Variants in SUPT6H observed in about 807,000 individuals in gnomAD.
SUPT6H encodes transcription elongation factor SPT6.
A neutral mutation model predicts 222.3 loss-of-function variants in SUPT6H; 11 were observed. The ratio of observed to expected loss-of-function variants is 0.05; its 90% CI spans 0.03 to 0.08. The LOEUF is 0.08. Among genes scored for constraint, SUPT6H ranks in the 10% least tolerant of loss-of-function variants. SUPT6H has a pLI of 1.00. For synonymous variants in SUPT6H, 762 were observed against 801.2 expected (o/e 0.95, Z 0.83); for missense variants, 1,422 against 2,216.0 (o/e 0.64, Z 7.19).
intron 32 of SUPT6H, among the ~76,000 whole-genome samples, chr17:28,699,515 C>T (rs1283012817): frequency 1.3e-5 from 2 of 152,202 alleles, no homozygotes; most frequent in Non-Finnish European, 2.9e-5. Flanking sequence ...TGCCTTCATA[C>T]TGCAGCCCAG....
intron 1 of SUPT6H, among the ~76,000 whole-genome samples, chr17:28,669,392 T>C (rs1404746217): frequency 6.6e-6 from 1 of 152,180 alleles, no homozygotes; most frequent in African/African-American, 2.4e-5. Context: ...AGTTTCACCA[T>C]GTTGGCCAGG....
intron 29 of SUPT6H, among the ~76,000 whole-genome samples, chr17:28,696,376 C>T (rs1467210097): frequency 3.3e-5 from 5 of 150,464 alleles, no homozygotes; most frequent in African/African-American, 4.9e-5. Context: ...GCAGGCGGGT[C>T]GCTTGAGGTG....
rs1325061594 is a variant in SUPT6H at position 28,688,470 on chromosome 17, A to G, written c.3134+252A>G. The G allele has an allele frequency of 3.3e-6, 1 of 303,592 alleles. No individual in the cohort carries two copies. The highest frequency in any genetic ancestry group is 5.9e-6 in the Non-Finnish European group (1 of 170,182). The allele number at this position is 303,592 out of a possible 1,614,324, so 18.8% of individuals were successfully genotyped here. ...AGCTTATAAATTAAGCATGGAAAAC[A>G]CAAGATTTTGTTCAGTAAACACAAA... On this transcript the variant is annotated intron_variant, in intron 24 of 36. Transcript: ENST00000314616. The surrounding 1 kb of genome is among the most constrained non-coding windows in gnomAD (Gnocchi z 4.3).
At chr17:28,689,279 C>G (rs760082676) in intron 24 of SUPT6H, 75 bp from the exon 25 acceptor site, 2 of 1,404,958 alleles carry the variant, frequency 1.4e-6, no homozygotes, top group Admixed American at 3.5e-5. Flanking sequence ...TAACCAGTTC[C>G]CCATTGGTGG....
In SUPT6H at chr17:28,673,388, G is replaced by T; in HGVS notation, c.-14G>T. On this transcript the variant is annotated 5_prime_UTR_variant, in exon 2 of 37. Transcript: ENST00000314616. ...TTCCCTAGTTATCTTCAGGCAGAGT[G>T]AGAAGCTGCAGCAATGTCTGATTTT... is the stretch of plus-strand genomic sequence containing the variant. 1 of 1,601,506 alleles carries T rather than the reference G, an allele frequency of 6.2e-7. No homozygotes were observed. Among genetic ancestry groups the T allele is most frequent in the South Asian group, 1.1e-5 (1 of 90,738 alleles).
rs753470365 is a variant in SUPT6H, at chr17:28,684,567, G to T, written c.2230-19G>T. The T allele has an allele frequency of 6.2e-7, 1 of 1,614,036 alleles. No homozygotes were observed. Among genetic ancestry groups the T allele is most frequent in the South Asian group, 1.1e-5 (1 of 91,080 alleles). ...TAATGTCATCATGTATGTAATACCT[G>T]TTGTGTCTCTTCCCTCAGGCCTGTA... On this transcript the variant is annotated intron_variant, in intron 17 of 36. Transcript: ENST00000314616.
intron 7 of SUPT6H, among the ~76,000 whole-genome samples, chr17:28,677,119 T>C (rs1270629630): frequency 1.3e-5 from 2 of 151,142 alleles, no homozygotes; most frequent in Non-Finnish European, 2.9e-5. Flanking sequence ...ACGCCTGTAA[T>C]CCTAGCACTT....
intron 6 of SUPT6H, 47 bp from the exon 7 acceptor site, chr17:28,676,110 T>G: frequency 6.5e-7 from 1 of 1,532,782 alleles, no homozygotes; most frequent in Non-Finnish European, 8.7e-7. Context: ...TGCATTTCTC[T>G]CCTCTCACCT....
Position 28,701,685 on chromosome 17 carries a change from G to A in SUPT6H, c.*60G>A. Reference sequence around the variant, plus strand: ...GCTGGGAAAGGCCTGGCTGCCCACTGCCTCCCTCCCTGCCCCTCCTTTTAT... The same window carrying A: ...GCTGGGAAAGGCCTGGCTGCCCACTACCTCCCTCCCTGCCCCTCCTTTTAT... On this transcript the variant is annotated 3_prime_UTR_variant, in exon 37 of 37. Transcript: ENST00000314616. The A allele has an allele frequency of 1.3e-6, 2 of 1,513,574 alleles. No homozygotes were observed. Among genetic ancestry groups the A allele is most frequent in the East Asian group, 2.3e-5 (1 of 43,982 alleles). 93.8% of individuals were successfully genotyped at this position (1,513,574 alleles called of 1,614,324 possible).
At position 28,684,875 on chromosome 17, in the gene SUPT6H, G is replaced by A. The variant is rs767301141; in HGVS notation, c.2401G>A (p.Gly801Ser). The A allele has an allele frequency of 1.2e-6, 2 of 1,614,178 alleles. No homozygotes were observed. Among genetic ancestry groups the A allele is most frequent in the Non-Finnish European group, 1.7e-6 (2 of 1,180,044 alleles). Residue 801 changes from glycine to serine, a missense_variant, in exon 19 of 37, where the codon GGT (glycine) becomes AGT (serine). Gly to Ser is a moderately conservative substitution (Grantham distance 56, BLOSUM62 0). Transcript: ENST00000314616. ...DHPVFCALVNGEGEVTDFLRL... is the reference protein window; with the variant it reads ...DHPVFCALVNSEGEVTDFLRL... ...CCCTGTGTTCTGCGCCCTGGTCAAT[G>A]GTGAAGGAGAAGTGACAGACTTCCT...
At chr17:28,678,251 A>T in intron 9 of SUPT6H, 59 bp downstream of exon 9, 1 of 1,454,796 alleles carries the variant, frequency 6.9e-7, no homozygotes, top group Non-Finnish European at 9.6e-7. Flanking sequence ...GATGAGGGAA[A>T]AGATAATTAC....
chr17:28,697,338 C>T (rs1041912880), intron 30 of SUPT6H, among the ~76,000 whole-genome samples: 5 of 152,268 alleles, frequency 3.3e-5, no homozygotes, highest in Non-Finnish European at 4.4e-5. Context: ...CACATATATA[C>T]GCACACACAT....
At chr17:28,682,877 T>G in intron 14 of SUPT6H, 21 bp downstream of exon 14, 1 of 1,614,066 alleles carries the variant, frequency 6.2e-7, no homozygotes, top group East Asian at 2.2e-5. Flanking sequence ...AGCAGGTGGC[T>G]GACAGGAGGA....
chr17:28,702,446 T>A lies in SUPT6H; in HGVS notation c.*821T>A, dbSNP rs2032170755. On this transcript the variant is annotated 3_prime_UTR_variant, in exon 37 of 37. Coordinates refer to ENST00000314616, the MANE Select transcript of SUPT6H (RefSeq NM_003170.5). Reference sequence around the variant, plus strand: ...ACCCTGTGCCAGTTCCTGCTGCCTTTCAGCTGGCTTTCTTACCTGTAACAT... The same window carrying A: ...ACCCTGTGCCAGTTCCTGCTGCCTTACAGCTGGCTTTCTTACCTGTAACAT... 1 of 152,492 alleles carries A rather than the reference T, an allele frequency of 6.6e-6. No homozygotes were observed. Among genetic ancestry groups the A allele is most frequent in the South Asian group, 2.1e-4 (1 of 4,830 alleles). 9.4% of individuals were successfully genotyped at this position (152,492 alleles called of 1,614,324 possible).
chr17:28,686,242 C>T (rs2031373123), intron 19 of SUPT6H, 97 bp from the exon 20 acceptor site: 2 of 1,115,882 alleles, frequency 1.8e-6, no homozygotes, highest in African/African-American at 3.1e-5. Flanking sequence ...CTTCTGAAGA[C>T]TTCCAGTTCT....
rs780414790 is a variant in SUPT6H, at chr17:28,696,838, T to C, written c.3971-6T>C. The C allele has an allele frequency of 1.2e-6, 2 of 1,613,706 alleles. No individual in the cohort carries two copies. Among genetic ancestry groups the C allele is most frequent in the African/African-American group, 2.7e-5 (2 of 74,838 alleles). Reference sequence around the variant, plus strand: ...CCAGTCTGTACTGCTTTTCTGCCCTTTTCAGCATACATCAAGAGAGTGATC... The same window carrying C: ...CCAGTCTGTACTGCTTTTCTGCCCTCTTCAGCATACATCAAGAGAGTGATC... On this transcript the variant is annotated splice_polypyrimidine_tract_variant and splice_region_variant and intron_variant, in intron 29 of 36. Coordinates refer to ENST00000314616, the MANE Select transcript of SUPT6H (RefSeq NM_003170.5).
At chr17:28,663,245 T>C (rs974313737) in intron 1 of SUPT6H, among the ~76,000 whole-genome samples, 2 of 152,238 alleles carry the variant, frequency 1.3e-5, no homozygotes, top group Non-Finnish European at 2.9e-5. Context: ...CTTCAGTGTT[T>C]TGATTACAGA....
At chr17:28,664,612 G>T (rs192846110) in intron 1 of SUPT6H, among the ~76,000 whole-genome samples, 1 of 152,314 alleles carries the variant, frequency 6.6e-6, no homozygotes, top group Non-Finnish European at 1.5e-5. Context: ...CCACCTGAAA[G>T]TTGGCAACTC....
In SUPT6H at chr17:28,693,744, G is replaced by A. The variant is rs1264271504; in HGVS notation, c.3682G>A (p.Val1228Ile). Residue 1228 changes from valine (V) to isoleucine (I), a missense_variant, in exon 28 of 37, where the codon GTC (valine) becomes ATC (isoleucine). By Grantham distance (29) the Val-to-Ile change is conservative (BLOSUM62 3). This residue lies in a region of SUPT6H where 39 missense variants were observed against 124.2 expected (regional missense o/e 0.31). Coordinates refer to ENST00000314616, the MANE Select transcript of SUPT6H (RefSeq NM_003170.5). ...SGSCPGQAIG[V>I]KTRLDNGVTG... ...TTCGTGCCCAGGCCAGGCCATCGGT[G>A]TCAAAACACGGCTAGACAATGGTGT... 6.2e-7 allele frequency: 1 copy of A among 1,614,228 alleles called. No individual in the cohort carries two copies. Among genetic ancestry groups the A allele is most frequent in the Admixed American group, 1.7e-5 (1 of 60,022 alleles).
Sources: allele counts gnomAD v4.1 joint callset (sites outside exome capture counted in the v4.1 genomes callset), GRCh38; gene constraint gnomAD v4.1.1; regional missense constraint gnomAD v4.1.1; non-coding constraint Gnocchi (gnomAD v3.1); transcripts MANE v1.5; gene names NCBI Gene and HGNC (gene_info 2026-07-23, HGNC 2026-07-21).